Variants in LIN9 observed in about 807,000 individuals in gnomAD.
LIN9 encodes the protein protein lin-9 homolog.
A neutral mutation model predicts 78.0 loss-of-function variants in LIN9; 18 were observed. The ratio of observed to expected loss-of-function variants is 0.23; its 90% CI spans 0.16 to 0.34. The LOEUF is 0.34. Ranked by LOEUF, LIN9 falls within the 10% of genes least tolerant of loss-of-function variation. The pLI, the probability that LIN9 is intolerant of heterozygous loss-of-function variation, is 1.00. For missense variants in LIN9, 451 were observed against 644.1 expected, an observed-to-expected ratio of 0.70 and a Z score of 3.25; for synonymous variants, 192 against 215.2, an observed-to-expected ratio of 0.89 and a Z score of 0.94.
chr1:226,274,632 A>G (rs1337746995), intron 7 of LIN9, among the ~76,000 whole-genome samples: 1 of 151,588 alleles, frequency 6.6e-6, no homozygotes, highest in Admixed American at 6.6e-5. Context: ...ATCTTGCTTA[A>G]TATTGTCTCA....
At position 226,275,691 on chromosome 1, in the gene LIN9, C is replaced by CAAAAAAA. The variant is rs1315376373; in HGVS notation, c.682+2083_682+2084insTTTTTTT. On this transcript the variant is annotated intron_variant, in intron 7 of 14. Coordinates refer to ENST00000681046, the MANE Select transcript of LIN9 (RefSeq NM_001366245.2). The stretch of plus-strand genomic sequence containing the variant: ...CTGGCAACAGAGCAAGACTCCGTCT[C>CAAAAAAA]AGAAAAAAAAAAAAAAAAAAAGAAA... Among the ~76,000 whole-genome samples, 19 of 43,322 alleles carry CAAAAAAA rather than the reference C, an allele frequency of 4.4e-4. 2 individuals carry two copies. Among genetic ancestry groups the CAAAAAAA allele is most frequent in the Non-Finnish European group, 5.9e-4 (14 of 23,548 alleles). The allele number at this position is 43,322 out of a possible 152,430, so 28.4% of individuals were successfully genotyped here. A position where few individuals can be genotyped will look rare whatever the true frequency, so the allele number is the denominator to read the frequency against.
chr1:226,261,295 G>A (rs1659571937), intron 10 of LIN9, among the ~76,000 whole-genome samples: 1 of 150,488 alleles, frequency 6.6e-6, no homozygotes, highest in African/African-American at 2.4e-5. Context: ...AATGCAATAA[G>A]ATAAGAAAGA....
chr1:226,238,848 T>C, intron 12 of LIN9, 123 bp downstream of exon 12: 6 of 875,888 alleles, frequency 6.9e-6, no homozygotes, highest in Non-Finnish European at 8.5e-6. Flanking sequence ...AAACTTTATA[T>C]AATACAGTTC....
At chr1:226,278,257 C>T (rs368668680) in intron 6 of LIN9, among the ~76,000 whole-genome samples, 4 of 152,202 alleles carry the variant, frequency 2.6e-5, no homozygotes, top group African/African-American at 9.6e-5. Context: ...GGCCAAACCA[C>T]GTCTCTACTA....
Position 226,265,737 on chromosome 1 carries a change from CT to C in LIN9, c.937-104del. 1 of 593,410 alleles carries C rather than the reference CT, an allele frequency of 1.7e-6. No homozygotes were observed. The highest frequency in any genetic ancestry group is 2.9e-6 in the Non-Finnish European group (1 of 345,710). 36.8% of individuals were successfully genotyped at this position (593,410 alleles called of 1,614,324 possible). A position where few individuals can be genotyped will look rare whatever the true frequency, so the allele number is the denominator to read the frequency against. Reference sequence around the variant, plus strand: ...TAGACGGAGTCTCGCTCTGTTGCCACTTGTGATCTCGGCTCACTGCAATCTC... The same window carrying C: ...TAGACGGAGTCTCGCTCTGTTGCCACTGTGATCTCGGCTCACTGCAATCTC... On this transcript the variant is annotated intron_variant, in intron 9 of 14. Coordinates refer to ENST00000681046, the MANE Select transcript of LIN9 (RefSeq NM_001366245.2). The surrounding 1 kb of genome is among the most constrained non-coding windows in gnomAD (Gnocchi z 4.1).
At chr1:226,235,440 G>A (rs1267349907) in intron 12 of LIN9, among the ~76,000 whole-genome samples, 1 of 151,240 alleles carries the variant, frequency 6.6e-6, no homozygotes, top group African/African-American at 2.4e-5. Flanking sequence ...AAGGTATACA[G>A]TCAAAATATA....
chr1:226,232,532 G>A lies in LIN9; in HGVS notation c.1598C>T (p.Ala533Val). ...TCTGTTGGTGTTATTTGCTGCAAAG[G>A]CATGTAAGTTTCCCATCTGGCTCAG... is the stretch of plus-strand genomic sequence containing the variant. ...SGLSQMGNLH[A>V]FAANNTNRD The change falls in exon 15 of 15, where the codon GCC becomes GTC. Residue 533 changes from alanine to valine, a missense_variant. Ala to Val is a moderately conservative substitution (Grantham distance 64, BLOSUM62 0). Coordinates refer to ENST00000681046, the MANE Select transcript of LIN9 (RefSeq NM_001366245.2). The A allele has an allele frequency of 6.2e-7, 1 of 1,611,596 alleles. No individual in the cohort carries two copies.
At position 226,265,708 on chromosome 1, in the gene LIN9, T is replaced by G. The variant is rs1164750785; in HGVS notation, c.937-74A>C. The G allele has an allele frequency of 1.2e-6, 1 of 821,812 alleles. No individual in the cohort carries two copies. The highest frequency in any genetic ancestry group is 1.9e-6 in the Non-Finnish European group (1 of 523,158). 50.9% of individuals were successfully genotyped at this position (821,812 alleles called of 1,614,324 possible). The stretch of plus-strand genomic sequence containing the variant: ...TATCTTATTTTTTTATTTTTATTTT[T>G]TTTTAGACGGAGTCTCGCTCTGTTG... On this transcript the variant is annotated intron_variant, in intron 9 of 14. Coordinates refer to ENST00000681046, the MANE Select transcript of LIN9 (RefSeq NM_001366245.2). This position sits in a 1 kb window ranked among gnomAD's most constrained non-coding sequence, Gnocchi z 4.1.
chr1:226,300,420 A>T (rs889519046), intron 2 of LIN9, among the ~76,000 whole-genome samples: 2 of 151,758 alleles, frequency 1.3e-5, no homozygotes, highest in South Asian at 2.1e-4. Context: ...GCATGGTAGC[A>T]TGTGCCTGTG....
chr1:226,284,537 A>G (rs1210045835), intron 6 of LIN9, among the ~76,000 whole-genome samples: 3 of 152,332 alleles, frequency 2.0e-5, no homozygotes, highest in Admixed American at 2.0e-4. Context: ...CAGCCTGGCC[A>G]ACATGGCAAA....
chr1:226,238,453 A>G (rs1023105852), intron 12 of LIN9, among the ~76,000 whole-genome samples: 4 of 152,084 alleles, frequency 2.6e-5, no homozygotes, highest in Non-Finnish European at 4.4e-5. Context: ...CAACATAGCG[A>G]GACTTCATCT....
intron 10 of LIN9, among the ~76,000 whole-genome samples, chr1:226,254,519 C>A (rs989232614): frequency 6.6e-6 from 1 of 151,984 alleles, no homozygotes; most frequent in African/African-American, 2.4e-5. Flanking sequence ...GTACTAAAAT[C>A]AAATACATAG....
At chr1:226,251,109 T>C (rs1158125654) in intron 10 of LIN9, among the ~76,000 whole-genome samples, 190 bp from the exon 11 acceptor site, 1 of 152,158 alleles carries the variant, frequency 6.6e-6, no homozygotes, top group East Asian at 1.9e-4. Context: ...CAGGCTGGAG[T>C]GCAGTGGCAC....
intron 10 of LIN9, among the ~76,000 whole-genome samples, chr1:226,251,814 C>A (rs1243420281): frequency 1.3e-5 from 2 of 152,164 alleles, no homozygotes; most frequent in Non-Finnish European, 2.9e-5. Flanking sequence ...CCAGTAAGAA[C>A]AATAACTGAA....
chr1:226,258,434 G>C (rs542979875), intron 10 of LIN9, among the ~76,000 whole-genome samples: 1 of 149,188 alleles, frequency 6.7e-6, no homozygotes, highest in Admixed American at 6.7e-5. Flanking sequence ...CCAGGAGGCA[G>C]AGGCTGCCTG....
chr1:226,243,758 G>A (rs985673404), intron 11 of LIN9, among the ~76,000 whole-genome samples: 4 of 148,584 alleles, frequency 2.7e-5, no homozygotes, highest in Non-Finnish European at 4.4e-5. Context: ...ATATTCTATA[G>A]GTATTTATAC....
chr1:226,292,433 C>T (rs533316471), intron 4 of LIN9, among the ~76,000 whole-genome samples: 5 of 152,052 alleles, frequency 3.3e-5, no homozygotes, highest in Admixed American at 1.3e-4. Context: ...GTGCTACAGG[C>T]GGGCACCACT....
Position 226,287,907 on chromosome 1 carries a change from G to A in LIN9, c.265-110C>T, listed in dbSNP as rs116650972. 4.0e-4 allele frequency: 284 copies of A among 711,290 alleles called. No homozygotes were observed. In the African/African-American group the frequency reaches 4.8e-3, roughly 12 times the overall value. The allele number at this position is 711,290 out of a possible 1,614,324, so 44.1% of individuals were successfully genotyped here. ...AAATTATGTTTAAGTACTTAAAAAG[G>A]TTCACTGATTCACTGATATTCAACA... On this transcript the variant is annotated intron_variant, in intron 4 of 14. Transcript: ENST00000681046.
At chr1:226,246,397 T>C (rs1322491596) in intron 11 of LIN9, among the ~76,000 whole-genome samples, 1 of 152,188 alleles carries the variant, frequency 6.6e-6, no homozygotes, top group African/African-American at 2.4e-5. Flanking sequence ...AGACAAATTG[T>C]TGGTTGCTCG....
Sources: allele counts gnomAD v4.1 joint callset (sites outside exome capture counted in the v4.1 genomes callset), GRCh38; gene constraint gnomAD v4.1.1; non-coding constraint Gnocchi (gnomAD v3.1); transcripts MANE v1.5; gene names NCBI Gene and HGNC (gene_info 2026-07-23, HGNC 2026-07-21).